The following PAK4 variants were observed in gnomAD, a reference collection of about 807,000 sequenced individuals.
The protein encoded by PAK4 is serine/threonine-protein kinase PAK 4.
Under a neutral mutation model 53.5 loss-of-function variants are expected in PAK4, and 49 were observed. That is an observed-to-expected ratio of 0.92 (90% confidence interval 0.73 to 1.16). The LOEUF is 1.16. PAK4 is among the 50% of genes most tolerant of loss of function. PAK4 has a pLI of 0.00. For synonymous variants in PAK4, 376 were observed against 375.6 expected, an observed-to-expected ratio of 1.00 and a Z score of -0.01; for missense variants, 824 against 850.7, an observed-to-expected ratio of 0.97 and a Z score of 0.39.
intron 1 of PAK4, among the ~76,000 whole-genome samples, chr19:39,164,666 T>G (rs2074340103): frequency 6.6e-6 from 1 of 152,088 alleles, no homozygotes. Context: ...TTTAAGGCTG[T>G]GAACTCTGGA....
At chr19:39,162,626 C>T (rs1362272818) in intron 1 of PAK4, among the ~76,000 whole-genome samples, 1 of 152,040 alleles carries the variant, frequency 6.6e-6, no homozygotes, top group Non-Finnish European at 1.5e-5. Flanking sequence ...CTGATTGCTG[C>T]GTTATTTTCT....
intron 1 of PAK4, among the ~76,000 whole-genome samples, chr19:39,160,776 G>T (rs551485713): frequency 4.6e-5 from 7 of 152,374 alleles, no homozygotes; most frequent in South Asian, 4.1e-4. Context: ...GTGTACATTT[G>T]TGTAATGTCT....
At chr19:39,130,117 G>T in intron 1 of PAK4, among the ~76,000 whole-genome samples, 1 of 150,962 alleles carries the variant, frequency 6.6e-6, no homozygotes, top group Non-Finnish European at 1.5e-5. Context: ...AGAAGGGTCA[G>T]GGCGGGATGT....
intron 1 of PAK4, among the ~76,000 whole-genome samples, chr19:39,158,012 G>A (rs1055984316): frequency 1.3e-5 from 2 of 152,186 alleles, no homozygotes; most frequent in South Asian, 4.1e-4. Context: ...ATGCATGTGT[G>A]TATGCATGTG....
chr19:39,180,874 A>G (rs2144907554), downstream of PAK4: 1 of 152,394 alleles, frequency 6.6e-6, no homozygotes, highest in South Asian at 2.1e-4. Context: ...GACGGCAAAG[A>G]ACAGAGCATC....
chr19:39,131,020 C>T lies in PAK4; in HGVS notation c.-23+5101C>T, dbSNP rs146373003. ...GTCATCAGCGCTTTACCCCTGTTAC[C>T]TCACTTCATCTTCACAGCAACCTGT... On this transcript the variant is annotated intron_variant, in intron 1 of 8. Coordinates refer to ENST00000358301, the Ensembl canonical transcript of PAK4. Among the ~76,000 whole-genome samples, 83 of 152,046 alleles carry T rather than the reference C, an allele frequency of 5.5e-4. 1 individual carries two copies. The highest frequency in any genetic ancestry group is 3.3e-3 in the Admixed American group (51 of 15,268).
chr19:39,167,702 C>G (rs895814034), intron 1 of PAK4, among the ~76,000 whole-genome samples: 1 of 152,098 alleles, frequency 6.6e-6, no homozygotes, highest in African/African-American at 2.4e-5. Context: ...CCACGGGGCT[C>G]CCGCTGCCAA....
chr19:39,169,831 C>T (rs933726500), intron 2 of PAK4, 74 bp downstream of exon 3: 5 of 1,079,572 alleles, frequency 4.6e-6, no homozygotes, highest in African/African-American at 3.1e-5. Context: ...ACCCCACACT[C>T]GACCCTGTGA....
At chr19:39,168,792 C>T (rs942039329) in intron 1 of PAK4, 17 of 152,282 alleles carry the variant, frequency 1.1e-4, no homozygotes, top group African/African-American at 3.6e-4. Context: ...CCTGGGGTGC[C>T]CTCTTAACCC....
chr19:39,131,489 A>C (rs2073709976), intron 1 of PAK4, among the ~76,000 whole-genome samples: 1 of 151,950 alleles, frequency 6.6e-6, no homozygotes, highest in African/African-American at 2.4e-5. Context: ...GCAGGAAGCA[A>C]CCTCCTTCCA....
intron 1 of PAK4, among the ~76,000 whole-genome samples, chr19:39,140,959 A>G (rs1007893706): frequency 2.0e-5 from 3 of 152,162 alleles, no homozygotes; most frequent in African/African-American, 2.4e-5. Flanking sequence ...TCTTATTACC[A>G]TTACACTTAT....
At chr19:39,147,347 C>T (rs1211014844) in intron 1 of PAK4, among the ~76,000 whole-genome samples, 2 of 152,216 alleles carry the variant, frequency 1.3e-5, no homozygotes, top group Non-Finnish European at 2.9e-5. Flanking sequence ...ATAGTGACTA[C>T]TGAGTAGTAT....
chr19:39,161,545 C>T lies in PAK4; in HGVS notation c.-22-7987C>T, dbSNP rs1308075828. Among the ~76,000 whole-genome samples the T allele has an allele frequency of 6.6e-6, 1 of 152,008 alleles. No homozygotes were observed. The highest frequency in any genetic ancestry group is 1.5e-5 in the Non-Finnish European group (1 of 67,984). On this transcript the variant is annotated intron_variant, in intron 1 of 8. Transcript: ENST00000358301. The surrounding 1 kb of genome is among the most constrained non-coding windows in gnomAD (Gnocchi z 4.5). ...TTCCACTGGGCCATCACAGCCTCCTCCTCCCTGGTCCCCCTTTCCGTTCTG... is the reference window on the plus strand; with the variant it reads ...TTCCACTGGGCCATCACAGCCTCCTTCTCCCTGGTCCCCCTTTCCGTTCTG...
In PAK4 at chr19:39,173,581, G is replaced by T; in HGVS notation, c.669G>T (p.Glu223Asp). The T allele has an allele frequency of 6.6e-7, 1 of 1,520,230 alleles. No homozygotes were observed. 94.2% of individuals were successfully genotyped at this position (1,520,230 alleles called of 1,614,324 possible). ...CTACCTCTCTTCTGTTTCAGGGGGA[G>T]CCTCATGACGTGGCCCCTAACGGGC... Residue 223 changes from glutamate to aspartate, a missense_variant, in exon 4 of 9, where the codon GAG becomes GAT. Around this residue, in one of 2 missense-constraint regions of PAK4, gnomAD observed 478 missense variants for 435.8 expected, o/e 1.10. Coordinates refer to ENST00000358301, the Ensembl canonical transcript of PAK4. The surrounding 1 kb of genome is among the most constrained non-coding windows in gnomAD (Gnocchi z 6.9).
chr19:39,179,697 C>G (rs2074680674), downstream of PAK4: 1 of 152,274 alleles, frequency 6.6e-6, no homozygotes, highest in Admixed American at 6.5e-5. Flanking sequence ...CTTTTAAAGG[C>G]TGTCTTGAGC....
intron 1 of PAK4, among the ~76,000 whole-genome samples, chr19:39,142,584 A>G (rs760021171): frequency 1.3e-5 from 2 of 152,104 alleles, no homozygotes; most frequent in Non-Finnish European, 2.9e-5. Context: ...CCTGGGAGCA[A>G]TAGGCTGGGT....
At chr19:39,168,615 C>G (rs2074418768) in intron 1 of PAK4, 1 of 152,400 alleles carries the variant, frequency 6.6e-6, no homozygotes, top group Middle Eastern at 3.4e-3. Context: ...CCCCTCCCAT[C>G]TTTCTCCAGG....
chr19:39,159,543 G>A (rs1213240672), intron 1 of PAK4, among the ~76,000 whole-genome samples: 1 of 152,094 alleles, frequency 6.6e-6, no homozygotes, highest in East Asian at 1.9e-4. Context: ...ATGCCACCAC[G>A]CCCAGCTAAT....
In PAK4 at chr19:39,151,362, G is replaced by A. The variant is rs576855446; in HGVS notation, c.-22-18170G>A. Among the ~76,000 whole-genome samples, 58 of 152,352 alleles carry A rather than the reference G, an allele frequency of 3.8e-4. 1 individual carries two copies. The South Asian group carries it at 0.012, about 32-fold the overall frequency. On this transcript the variant is annotated intron_variant, in intron 1 of 8. Coordinates refer to ENST00000358301, the Ensembl canonical transcript of PAK4. ...AGCAGAGATCAGAGAGACTGGCCAC[G>A]CCCCGTGCTGCAAGGCCGAGGGGAG...
Sources: allele counts gnomAD v4.1 joint callset (sites outside exome capture counted in the v4.1 genomes callset), GRCh38; gene constraint gnomAD v4.1.1; regional missense constraint gnomAD v4.1.1; non-coding constraint Gnocchi (gnomAD v3.1); transcripts MANE v1.5; gene names NCBI Gene and HGNC (gene_info 2026-07-23, HGNC 2026-07-21).